HELZ: variants seen among roughly 807,000 people sequenced by gnomAD.
HELZ encodes the protein ATP-dependent RNA helicase with zinc finger domain.
A neutral mutation model predicts 218.2 loss-of-function variants in HELZ; 23 were observed. The observed-to-expected ratio is 0.11, with a 90% CI of 0.08 to 0.15. HELZ has a LOEUF of 0.15. HELZ is among the 10% of genes least tolerant of loss of function. The probability of loss-of-function intolerance (pLI) is 1.00; values close to 1 mark genes in which losing one functional copy is unlikely to be tolerated. For synonymous variants in HELZ, 814 were observed against 829.4 expected, an observed-to-expected ratio of 0.98 and a Z score of 0.32; for missense variants, 1,813 against 2,353.7, an observed-to-expected ratio of 0.77 and a Z score of 4.75.
chr17:67,131,648 G>A (rs985585609), intron 23 of HELZ, among the ~76,000 whole-genome samples: 4 of 151,808 alleles, frequency 2.6e-5, no homozygotes, highest in African/African-American at 9.7e-5. Flanking sequence ...TTCAGTAGCT[G>A]TGTGACTTCG....
In HELZ at chr17:67,075,476, C is replaced by G. The variant is rs946683992; in HGVS notation, c.*2776G>C. 2 of 152,094 alleles carry G rather than the reference C, an allele frequency of 1.3e-5. No homozygotes were observed. Among genetic ancestry groups the G allele is most frequent in the Middle Eastern group, 6.8e-3 (2 of 294 alleles). The allele number at this position is 152,094 out of a possible 1,614,324, so 9.4% of individuals were successfully genotyped here. A position where few individuals can be genotyped will look rare whatever the true frequency, so the allele number is the denominator to read the frequency against. Reference sequence around the variant, plus strand: ...ATATATGCATATATAAGGGTTGAACCTAGCATATAAGTTATGTTTCATAAA... The same window carrying G: ...ATATATGCATATATAAGGGTTGAACGTAGCATATAAGTTATGTTTCATAAA... On this transcript the variant is annotated 3_prime_UTR_variant, in exon 33 of 33. Transcript: ENST00000358691.
At position 67,073,395 on chromosome 17, in the gene HELZ, C is replaced by T. The variant is rs2035942682; in HGVS notation, c.*4857G>A. The stretch of plus-strand genomic sequence containing the variant: ...AACTCATAGAATTATATAAAACTTA[C>T]TATGCTTTATGCTTAATATCTGTAT... On this transcript the variant is annotated 3_prime_UTR_variant, in exon 33 of 33. Coordinates refer to ENST00000358691, the MANE Select transcript of HELZ (RefSeq NM_014877.4). 1 of 152,526 alleles carries T rather than the reference C, an allele frequency of 6.6e-6. No homozygotes were observed. Among genetic ancestry groups the T allele is most frequent in the Admixed American group, 6.5e-5 (1 of 15,274 alleles). 9.4% of individuals were successfully genotyped at this position (152,526 alleles called of 1,614,324 possible).
At chr17:67,137,814 T>G (rs776424885) in intron 22 of HELZ, 117 bp downstream of exon 22, 1 of 754,392 alleles carries the variant, frequency 1.3e-6, no homozygotes, top group Non-Finnish European at 2.0e-6. Flanking sequence ...ATTAAAGAAC[T>G]TGATATGAAA....
intron 3 of HELZ, among the ~76,000 whole-genome samples, chr17:67,233,960 C>T (rs537373475): frequency 3.3e-5 from 5 of 150,312 alleles, no homozygotes; most frequent in African/African-American, 1.2e-4. Context: ...GCACGAGAAT[C>T]GCTTGAACCC....
Position 67,072,472 on chromosome 17 carries a change from T to C in HELZ, c.*5780A>G, listed in dbSNP as rs1399419801. 6.5e-6 allele frequency: 1 copy of C among 152,756 alleles called. No individual in the cohort carries two copies. The highest frequency in any genetic ancestry group is 6.5e-5 in the Admixed American group (1 of 15,290). 9.5% of individuals were successfully genotyped at this position (152,756 alleles called of 1,614,324 possible). ...ACATGCTAGGTGCACTCTCATGGCA[T>C]TCTGATGGCTTCTTTCCAGGATTCT... On this transcript the variant is annotated 3_prime_UTR_variant, in exon 33 of 33. Coordinates refer to ENST00000358691, the MANE Select transcript of HELZ (RefSeq NM_014877.4).
intron 13 of HELZ, 134 bp downstream of exon 13, chr17:67,178,525 T>C: frequency 1.4e-6 from 1 of 720,192 alleles, no homozygotes; most frequent in Non-Finnish European, 2.3e-6. Flanking sequence ...ATATTTCCTT[T>C]AAAGATAGAA....
chr17:67,177,959 CTTA>C (rs2144220668), intron 13 of HELZ, among the ~76,000 whole-genome samples: 1 of 152,130 alleles, frequency 6.6e-6, no homozygotes, highest in African/African-American at 2.4e-5. Flanking sequence ...AGTAAAACTA[CTTA>C]TAAAAATGTA....
At chr17:67,170,557 G>A (rs1409745526) in intron 13 of HELZ, among the ~76,000 whole-genome samples, 1 of 151,594 alleles carries the variant, frequency 6.6e-6, no homozygotes, top group Non-Finnish European at 1.5e-5. Context: ...CCAGGCATGG[G>A]GGCTCACACC....
At chr17:67,197,543 G>A (rs1284951687) in intron 7 of HELZ, among the ~76,000 whole-genome samples, 1 of 152,170 alleles carries the variant, frequency 6.6e-6, no homozygotes, top group Non-Finnish European at 1.5e-5. Context: ...CACATTAGCT[G>A]TGTGCATCTC....
chr17:67,218,610 G>A lies in HELZ; in HGVS notation c.195C>T (p.Ala65=), dbSNP rs1269213964. 3.1e-6 allele frequency: 5 copies of A among 1,613,876 alleles called. No homozygotes were observed. The highest frequency in any genetic ancestry group is 3.3e-5 in the Admixed American group (2 of 60,002). ...GTTTACTCACCAGTTGCAAAAATGAGGCAATTCTGTAGAGAAGACTCTCGA... is the reference window on the plus strand; with the variant it reads ...GTTTACTCACCAGTTGCAAAAATGAAGCAATTCTGTAGAGAAGACTCTCGA... ...IKIESLLYRI[A]SFLQLKNYVQ... is the part of the protein sequence containing the mutation. Residue 65 remains alanine, a synonymous_variant, in exon 4 of 33, where the codon GCC becomes GCT. Transcript: ENST00000358691.
chr17:67,118,104 G>A (rs2037484602), intron 27 of HELZ, among the ~76,000 whole-genome samples: 1 of 152,094 alleles, frequency 6.6e-6, no homozygotes, highest in Non-Finnish European at 1.5e-5. Flanking sequence ...CAACGTTGGA[G>A]GACTTACACT....
At chr17:67,119,993 CTTTTTTTTTTTTTTTTTTTT>C (rs56893875) in intron 27 of HELZ, 1 of 139,246 alleles carries the variant, frequency 7.2e-6, no homozygotes, top group Non-Finnish European at 1.2e-5. Flanking sequence ...TCTCCCTTTT[CTTTTTTTTTTTTTTTTTTTT>C]TTTTTTTTGA....
At chr17:67,170,386 A>G (rs2039272221) in intron 13 of HELZ, among the ~76,000 whole-genome samples, 1 of 152,106 alleles carries the variant, frequency 6.6e-6, no homozygotes, top group Non-Finnish European at 1.5e-5. Flanking sequence ...GTGGTGGCAC[A>G]TGCCTGTAAT....
At chr17:67,142,635 TA>T (rs1485600243) in intron 21 of HELZ, among the ~76,000 whole-genome samples, 2 of 151,994 alleles carry the variant, frequency 1.3e-5, no homozygotes, top group South Asian at 2.1e-4. Context: ...AGTAAAATAA[TA>T]AAAAAAGATA....
intron 28 of HELZ, 34 bp downstream of exon 28, chr17:67,114,290 T>C: frequency 7.2e-7 from 1 of 1,391,992 alleles, no homozygotes; most frequent in Non-Finnish European, 1.0e-6. Context: ...TCAGACTAAA[T>C]CCACTAGGAC....
intron 21 of HELZ, among the ~76,000 whole-genome samples, chr17:67,145,398 A>G (rs1045944824): frequency 2.0e-5 from 3 of 152,232 alleles, no homozygotes; most frequent in Admixed American, 2.0e-4. Context: ...TTCATTTAAA[A>G]TGATACACCT....
At chr17:67,161,135 C>T in intron 15 of HELZ, 59 bp from the exon 16 acceptor site, 1 of 1,279,248 alleles carries the variant, frequency 7.8e-7, no homozygotes. Flanking sequence ...TAGAACATAA[C>T]ACACGAGTAT....
At position 67,194,034 on chromosome 17, in the gene HELZ, T is replaced by C. The variant is rs2039964133; in HGVS notation, c.490A>G (p.Asn164Asp). The C allele has an allele frequency of 1.9e-6, 3 of 1,610,600 alleles. No individual in the cohort carries two copies. Among genetic ancestry groups the C allele is most frequent in the Non-Finnish European group, 2.5e-6 (3 of 1,177,476 alleles). ...GGTGGTGGGCGGAAATGCCAACCAT[T>C]ACAAGACCCTAGGGAGTAATTAGGA... The part of the protein sequence containing the change: ...HVEDLDEGSC[N>D]GWHFRPPPRG... The change falls in exon 9 of 33, where the codon AAT (asparagine) becomes GAT (aspartate). Residue 164 changes from asparagine to aspartate, a missense_variant. Coordinates refer to ENST00000358691, the MANE Select transcript of HELZ (RefSeq NM_014877.4).
intron 8 of HELZ, among the ~76,000 whole-genome samples, chr17:67,194,825 T>C (rs920641589): frequency 3.3e-5 from 5 of 152,234 alleles, no homozygotes; most frequent in African/African-American, 1.2e-4. Flanking sequence ...AGTTTAAAGC[T>C]GTGCTTCATC....
Sources: allele counts gnomAD v4.1 joint callset (sites outside exome capture counted in the v4.1 genomes callset), GRCh38; gene constraint gnomAD v4.1.1; transcripts MANE v1.5; gene names NCBI Gene and HGNC (gene_info 2026-07-23, HGNC 2026-07-21).